Variants in DLG2 observed in about 807,000 individuals in gnomAD.
The protein encoded by DLG2 is disks large homolog 2.
A neutral mutation model predicts 132.5 loss-of-function variants in DLG2; 45 were observed. The ratio of observed to expected loss-of-function variants is 0.34; its 90% CI spans 0.27 to 0.44. The LOEUF is 0.44. Ranked by LOEUF, DLG2 falls within the 20% of genes least tolerant of loss-of-function variation. DLG2 has a pLI of 1.00. For missense variants in DLG2, 1,045 were observed against 1,196.9 expected, an observed-to-expected ratio of 0.87 and a Z score of 1.87; for synonymous variants, 424 against 419.6, an observed-to-expected ratio of 1.01 and a Z score of -0.13.
At chr11:84,924,580 A>G (rs2092907381) in intron 6 of DLG2, among the ~76,000 whole-genome samples, 1 of 152,206 alleles carries the variant, frequency 6.6e-6, no homozygotes. Flanking sequence ...AGGGAGAGAA[A>G]TTAAAGGAAG....
At chr11:85,122,976 T>TATATATATATATATATATATA (rs60973860) in intron 5 of DLG2, among the ~76,000 whole-genome samples, 20 of 58,424 alleles carry the variant, frequency 3.4e-4, no homozygotes, top group East Asian at 2.4e-3. Flanking sequence ...TATATTTTTT[T>TATATATATATATATATATATA]TTTTTTTTTT....
intron 4 of DLG2, among the ~76,000 whole-genome samples, chr11:85,157,531 C>T (rs1178406639): frequency 6.6e-6 from 1 of 152,140 alleles, no homozygotes. Flanking sequence ...ATACATTTGA[C>T]TATATGTGGA....
intron 18 of DLG2, among the ~76,000 whole-genome samples, chr11:83,711,122 T>C (rs1309750546): frequency 6.6e-6 from 1 of 152,124 alleles, no homozygotes; most frequent in Non-Finnish European, 1.5e-5. Flanking sequence ...GAACTGTGCA[T>C]TCAAAGAATG....
intron 6 of DLG2, among the ~76,000 whole-genome samples, chr11:84,539,304 CT>C (rs1362451229): frequency 6.6e-6 from 1 of 152,276 alleles, no homozygotes; most frequent in South Asian, 2.1e-4. Flanking sequence ...ACTCAAAGGT[CT>C]TTAGAGGACA....
Position 85,389,702 on chromosome 11 carries a change from C to T in DLG2, c.41-104337G>A, listed in dbSNP as rs966224616. On this transcript the variant is annotated intron_variant, in intron 3 of 27. Coordinates refer to ENST00000376104, the MANE Select transcript of DLG2 (RefSeq NM_001142699.3). ...AATCTAGAAGAAATTAGGGTCATATCTTTAGCCTCCACAAACAAAACAATT... is the reference window on the plus strand; with the variant it reads ...AATCTAGAAGAAATTAGGGTCATATTTTTAGCCTCCACAAACAAAACAATT... Among the ~76,000 whole-genome samples the T allele has an allele frequency of 2.0e-5, 3 of 152,268 alleles. No homozygotes were observed. In the South Asian group the frequency reaches 6.2e-4, roughly 32 times the overall value.
intron 6 of DLG2, among the ~76,000 whole-genome samples, chr11:84,551,344 G>A (rs191957564): frequency 3.1e-4 from 47 of 152,190 alleles, no homozygotes; most frequent in African/African-American, 1.1e-3. Flanking sequence ...AACTTAATGT[G>A]CAATTGTAGA....
intron 18 of DLG2, among the ~76,000 whole-genome samples, chr11:83,714,377 T>G (rs139334618): frequency 2.0e-5 from 3 of 152,166 alleles, no homozygotes; most frequent in Admixed American, 6.5e-5. Context: ...ATGTGCATTA[T>G]CTACTTTAAT....
intron 6 of DLG2, among the ~76,000 whole-genome samples, chr11:85,007,801 T>A (rs2058821686): frequency 6.6e-6 from 1 of 152,078 alleles, no homozygotes; most frequent in African/African-American, 2.4e-5. Flanking sequence ...TCATCTGCAA[T>A]ATAAGATTGT....
intron 3 of DLG2, among the ~76,000 whole-genome samples, chr11:85,497,602 G>C (rs1420054453): frequency 1.3e-5 from 2 of 152,036 alleles, no homozygotes; most frequent in African/African-American, 4.8e-5. Context: ...TCCTTGAAAA[G>C]AGCAACACCA....
intron 6 of DLG2, among the ~76,000 whole-genome samples, chr11:84,762,542 A>G (rs1260675753): frequency 2.0e-5 from 3 of 152,202 alleles, no homozygotes; most frequent in African/African-American, 7.2e-5. Context: ...CAGTTAATAT[A>G]GTTTTTTGCT....
intron 8 of DLG2, among the ~76,000 whole-genome samples, chr11:84,171,622 A>C (rs1339375008): frequency 1.3e-5 from 2 of 152,202 alleles, no homozygotes; most frequent in Admixed American, 1.3e-4. Flanking sequence ...CCAATCACCC[A>C]CTGATGGACA....
intron 6 of DLG2, among the ~76,000 whole-genome samples, chr11:84,827,789 A>G (rs1304692120): frequency 6.6e-6 from 1 of 151,464 alleles, no homozygotes; most frequent in Non-Finnish European, 1.5e-5. Flanking sequence ...AAAAAATTCC[A>G]TCATTTCCAA....
At chr11:83,718,886 G>C (rs541011762) in intron 18 of DLG2, among the ~76,000 whole-genome samples, 14 of 152,320 alleles carry the variant, frequency 9.2e-5, no homozygotes, top group African/African-American at 3.4e-4. Flanking sequence ...CACCAGGCAA[G>C]TGAAGGTCAC....
intron 3 of DLG2, among the ~76,000 whole-genome samples, chr11:85,500,979 G>A (rs1440269877): frequency 6.6e-6 from 1 of 152,172 alleles, no homozygotes; most frequent in Non-Finnish European, 1.5e-5. Flanking sequence ...TTGGCAGGAA[G>A]AACAAAGCTG....
At chr11:83,488,860 A>C (rs1279440109) in intron 21 of DLG2, among the ~76,000 whole-genome samples, 3 of 152,040 alleles carry the variant, frequency 2.0e-5, no homozygotes, top group African/African-American at 4.8e-5. Flanking sequence ...TTATTTTCAC[A>C]CACATAAAAA....
intron 7 of DLG2, among the ~76,000 whole-genome samples, chr11:84,512,733 T>TA (rs964070976): frequency 8.9e-5 from 13 of 145,436 alleles, no homozygotes; most frequent in East Asian, 4.0e-4. Flanking sequence ...AAGTGCTGAG[T>TA]AAAAAAAAAA....
At chr11:83,977,996 A>G (rs1263123016) in intron 12 of DLG2, among the ~76,000 whole-genome samples, 1 of 152,102 alleles carries the variant, frequency 6.6e-6, no homozygotes, top group Non-Finnish European at 1.5e-5. Context: ...GCTTTTTCAC[A>G]AAACCAGGCA....
At chr11:84,445,057 C>T (rs1395754970) in intron 7 of DLG2, among the ~76,000 whole-genome samples, 2 of 152,154 alleles carry the variant, frequency 1.3e-5, no homozygotes, top group Non-Finnish European at 2.9e-5. Context: ...GGTAATCCGC[C>T]TGCCTCGGCT....
At chr11:83,783,779 T>A (rs1350681767) in intron 18 of DLG2, among the ~76,000 whole-genome samples, 2 of 152,184 alleles carry the variant, frequency 1.3e-5, no homozygotes, top group African/African-American at 4.8e-5. Flanking sequence ...TCTGGCTCCA[T>A]TTCCACATTT....
Sources: gnomAD v4.1 joint callset for allele counts (sites outside exome capture counted in the v4.1 genomes callset) on GRCh38, gnomAD v4.1.1 for gene constraint, MANE v1.5 for transcripts, NCBI Gene and HGNC (gene_info 2026-07-23, HGNC 2026-07-21) for gene names.